The following ELOB variants were observed in gnomAD, a reference collection of about 807,000 sequenced individuals.
ELOB encodes elongin-B.
A neutral mutation model predicts 12.9 loss-of-function variants in ELOB; 3 were observed. The ratio of observed to expected loss-of-function variants is 0.23; its 90% CI spans 0.11 to 0.60. The LOEUF is 0.60. Among genes scored for constraint, ELOB ranks in the 20% least tolerant of loss-of-function variants. The pLI is 0.89. For missense variants in ELOB, 126 were observed against 159.2 expected, an observed-to-expected ratio of 0.79 and a Z score of 1.12; for synonymous variants, 84 against 67.4, an observed-to-expected ratio of 1.25 and a Z score of -1.21.
Position 2,771,833 on chromosome 16 carries a change from T to C in ELOB, c.*157A>G. 1 of 1,452,646 alleles carries C rather than the reference T, an allele frequency of 6.9e-7. No homozygotes were observed. The highest frequency in any genetic ancestry group is 9.0e-7 in the Non-Finnish European group (1 of 1,105,808). The allele number at this position is 1,452,646 out of a possible 1,614,324, so 90.0% of individuals were successfully genotyped here. Reference sequence around the variant, plus strand: ...CAAGTTCTCAGCCAGGGTCTCAGGATCTGGGAGACAGGACAGCACAGGAAC... The same window carrying C: ...CAAGTTCTCAGCCAGGGTCTCAGGACCTGGGAGACAGGACAGCACAGGAAC... On this transcript the variant is annotated 3_prime_UTR_variant, in exon 4 of 4. Transcript: ENST00000409906.
At position 2,771,426 on chromosome 16, in the gene ELOB, C is replaced by T. The variant is rs1038555293; in HGVS notation, c.*564G>A. ...GAAATGCAGGAACTGGGTCTGTAGA[C>T]TGTTTATTAAAGGTGTGTTAAGGGG... On this transcript the variant is annotated 3_prime_UTR_variant, in exon 4 of 4. Coordinates refer to ENST00000409906, the MANE Select transcript of ELOB (RefSeq NM_007108.4). The T allele has an allele frequency of 3.2e-5, 52 of 1,613,494 alleles. No individual in the cohort carries two copies. In the Middle Eastern group the frequency reaches 4.9e-4, roughly 15 times the overall value.
Position 2,771,548 on chromosome 16 carries a change from C to T in ELOB, c.*442G>A, listed in dbSNP as rs1272945443. ...CGTTGAACATGCTGTCAAACCAGGA[C>T]ACTGGCTCCAGCTTGTGTTTCTGCT... is the stretch of plus-strand genomic sequence containing the variant. On this transcript the variant is annotated 3_prime_UTR_variant, in exon 4 of 4. Coordinates refer to ENST00000409906, the MANE Select transcript of ELOB (RefSeq NM_007108.4). 1 of 1,614,058 alleles carries T rather than the reference C, an allele frequency of 6.2e-7. No homozygotes were observed. Among genetic ancestry groups the T allele is most frequent in the Non-Finnish European group, 8.5e-7 (1 of 1,180,056 alleles).
Position 2,772,023 on chromosome 16 carries a change from C to G in ELOB, c.324G>C (p.Ser108=). ...CGGCTTGTTCATTGGCACTGCTTCC[C>G]GAGTCCTGGGGCTTCATCACATCGG... ...ELPDVMKPQD[S]GSSANEQAVQ Residue 108 remains serine (S), a synonymous_variant, in exon 4 of 4, where the codon TCG becomes TCC. Transcript: ENST00000409906. 2 of 1,613,194 alleles carry G rather than the reference C, an allele frequency of 1.2e-6. No homozygotes were observed. The highest frequency in any genetic ancestry group is 1.3e-5 in the African/African-American group (1 of 74,934).
At chr16:2,773,681 G>A (rs999935495) in intron 3 of ELOB, among the ~76,000 whole-genome samples, 5 of 152,206 alleles carry the variant, frequency 3.3e-5, no homozygotes, top group Non-Finnish European at 7.3e-5. Flanking sequence ...CAAGAGGGAT[G>A]ATGTGACCTG....
chr16:2,774,718 G>A (rs919369128), intron 3 of ELOB, among the ~76,000 whole-genome samples: 8 of 152,188 alleles, frequency 5.3e-5, no homozygotes, highest in African/African-American at 1.9e-4. Context: ...AGTTCCTAGA[G>A]ACAAAATATT....
intron 3 of ELOB, among the ~76,000 whole-genome samples, chr16:2,773,501 G>A (rs1480294215): frequency 6.6e-6 from 1 of 152,208 alleles, no homozygotes; most frequent in Non-Finnish European, 1.5e-5. Flanking sequence ...CTCCTTGAGT[G>A]GTAAGCTTGG....
chr16:2,773,787 G>A (rs1231311510), intron 3 of ELOB, among the ~76,000 whole-genome samples: 1 of 152,182 alleles, frequency 6.6e-6, no homozygotes, highest in African/African-American at 2.4e-5. Flanking sequence ...TCTGCAAAAT[G>A]GGTCTATCAG....
At chr16:2,776,899 C>G in intron 2 of ELOB, 94 bp downstream of exon 2, 1 of 1,432,180 alleles carries the variant, frequency 7.0e-7, no homozygotes, top group Non-Finnish European at 9.2e-7. Flanking sequence ...GCAGGCGTCG[C>G]CGGCCGCTAC....
intron 3 of ELOB, among the ~76,000 whole-genome samples, chr16:2,775,095 G>A (rs990601774): frequency 1.3e-5 from 2 of 151,778 alleles, no homozygotes; most frequent in African/African-American, 4.8e-5. Flanking sequence ...TGCAGAACAC[G>A]GATGATGGTA....
intron 2 of ELOB, 96 bp from the exon 3 acceptor site, chr16:2,775,652 A>T (rs1255006862): frequency 2.2e-6 from 2 of 916,974 alleles, no homozygotes; most frequent in African/African-American, 3.3e-5. Context: ...AGGAGGGAAG[A>T]GAGAGTTCCC....
At position 2,771,646 on chromosome 16, in the gene ELOB, CTGGAA is replaced by C; in HGVS notation, c.*339_*343del. 6.2e-7 allele frequency: 1 copy of C among 1,612,728 alleles called. No individual in the cohort carries two copies. Among genetic ancestry groups the C allele is most frequent in the African/African-American group, 1.3e-5 (1 of 75,026 alleles). On this transcript the variant is annotated 3_prime_UTR_variant, in exon 4 of 4. Transcript: ENST00000409906. ...CACTTAGAAGGAGAAAGGCCTAAAA[CTGGAA>C]TCTCTTGTCCCTGAGGCTGGCTCTG...
chr16:2,776,233 A>T (rs765393682), intron 2 of ELOB, among the ~76,000 whole-genome samples: 1 of 152,218 alleles, frequency 6.6e-6, no homozygotes, highest in African/African-American at 2.4e-5. Context: ...GCTAAGTCCC[A>T]GTAGTTATGA....
Position 2,771,612 on chromosome 16 carries a change from G to A in ELOB, c.*378C>T, listed in dbSNP as rs770041121. The stretch of plus-strand genomic sequence containing the variant: ...TGGGAGTGGACATGCAGGCTATGGG[G>A]GTGGGGGGCACTTAGAAGGAGAAAG... On this transcript the variant is annotated 3_prime_UTR_variant, in exon 4 of 4. Transcript: ENST00000409906. 1.2e-6 allele frequency: 2 copies of A among 1,614,066 alleles called. No individual in the cohort carries two copies. Among genetic ancestry groups the A allele is most frequent in the Non-Finnish European group, 1.7e-6 (2 of 1,180,000 alleles).
chr16:2,777,227 G>A lies in ELOB; in HGVS notation c.3+10C>T. 3.1e-6 allele frequency: 3 copies of A among 957,404 alleles called. No individual in the cohort carries two copies. The highest frequency in any genetic ancestry group is 3.7e-6 in the Non-Finnish European group (3 of 807,508). The allele number at this position is 957,404 out of a possible 1,614,324, so 59.3% of individuals were successfully genotyped here. A position where few individuals can be genotyped will look rare whatever the true frequency, so the allele number is the denominator to read the frequency against. On this transcript the variant is annotated intron_variant, in intron 1 of 3. Transcript: ENST00000409906. ...CCCGGCCCGGCCGCCCCTCCCCCACGCCCGCTCACCATCGCGGCTGCTGCC... is the reference window on the plus strand; with the variant it reads ...CCCGGCCCGGCCGCCCCTCCCCCACACCCGCTCACCATCGCGGCTGCTGCC...
intron 3 of ELOB, among the ~76,000 whole-genome samples, chr16:2,774,987 A>G (rs1025913656): frequency 1.3e-5 from 2 of 152,204 alleles, no homozygotes; most frequent in Admixed American, 6.5e-5. Flanking sequence ...GATACATAGC[A>G]TAGAGCCTGG....
At chr16:2,776,527 G>A (rs1051198527) in intron 2 of ELOB, among the ~76,000 whole-genome samples, 2 of 152,228 alleles carry the variant, frequency 1.3e-5, no homozygotes, top group African/African-American at 4.8e-5. Flanking sequence ...GCTTGGTGAA[G>A]AACGAGTGGG....
chr16:2,774,196 C>T (rs2068785830), intron 3 of ELOB, among the ~76,000 whole-genome samples: 1 of 149,882 alleles, frequency 6.7e-6, no homozygotes, highest in Non-Finnish European at 1.5e-5. Flanking sequence ...CGCCACTGCA[C>T]TCCAGCCTAG....
chr16:2,775,128 A>G (rs2068791222), intron 3 of ELOB, among the ~76,000 whole-genome samples: 1 of 151,564 alleles, frequency 6.6e-6, no homozygotes, highest in African/African-American at 2.4e-5. Context: ...AGGGCTACTG[A>G]GAGGATGAGA....
In ELOB at chr16:2,771,788, C is replaced by T. The variant is rs2068755999; in HGVS notation, c.*202G>A. 3 of 1,458,040 alleles carry T rather than the reference C, an allele frequency of 2.1e-6. No individual in the cohort carries two copies. Among genetic ancestry groups the T allele is most frequent in the Non-Finnish European group, 2.7e-6 (3 of 1,109,736 alleles). The allele number at this position is 1,458,040 out of a possible 1,614,324, so 90.3% of individuals were successfully genotyped here. A position where few individuals can be genotyped will look rare whatever the true frequency, so the allele number is the denominator to read the frequency against. ...AGGGCAACCCAGGTCCCCATGGTGC[C>T]TTTAAGCAGCAGGCTGGGCCAAGTT... On this transcript the variant is annotated 3_prime_UTR_variant, in exon 4 of 4. Transcript: ENST00000409906.
Sources: allele counts gnomAD v4.1 joint callset (sites outside exome capture counted in the v4.1 genomes callset), GRCh38; gene constraint gnomAD v4.1.1; transcripts MANE v1.5; gene names NCBI Gene and HGNC (gene_info 2026-07-23, HGNC 2026-07-21).